The following ANGPT2 variants were observed in gnomAD, a reference collection of about 807,000 sequenced individuals.
ANGPT2 encodes the protein angiopoietin-2.
A neutral mutation model predicts 62.9 loss-of-function variants in ANGPT2; 28 were observed. The observed-to-expected ratio is 0.44, with a 90% confidence interval of 0.33 to 0.61. ANGPT2 has a LOEUF of 0.61. Ranked by LOEUF, ANGPT2 falls within the 20% of genes least tolerant of loss-of-function variation. The probability of loss-of-function intolerance (pLI) is 0.03; values close to 1 mark genes in which losing one functional copy is unlikely to be tolerated. For missense variants in ANGPT2, 727 were observed against 594.9 expected (o/e 1.22, Z -2.31); for synonymous variants, 284 against 207.8 (o/e 1.37, Z -3.15).
At chr8:6,554,623 A>C (rs1198742440) in intron 1 of ANGPT2, among the ~76,000 whole-genome samples, 1 of 152,194 alleles carries the variant, frequency 6.6e-6, no homozygotes, top group African/African-American at 2.4e-5. Context: ...TCAACTATGA[A>C]TATTTTGTGG....
chr8:6,541,911 G>C (rs1391935568), intron 1 of ANGPT2, among the ~76,000 whole-genome samples: 1 of 152,074 alleles, frequency 6.6e-6, no homozygotes, highest in East Asian at 1.9e-4. Context: ...AGGAGGCTAA[G>C]GTGGGAGGAT....
intron 1 of ANGPT2, among the ~76,000 whole-genome samples, chr8:6,551,149 G>T (rs1823580216): frequency 6.6e-6 from 1 of 152,194 alleles, no homozygotes; most frequent in South Asian, 2.1e-4. Context: ...TGCTGATGCT[G>T]ACTTAGGATT....
intron 2 of ANGPT2, among the ~76,000 whole-genome samples, chr8:6,531,505 T>G (rs1280288853): frequency 6.6e-6 from 1 of 152,180 alleles, no homozygotes; most frequent in African/African-American, 2.4e-5. Context: ...TTGGCCAGGC[T>G]GGTCTCGAAC....
At chr8:6,530,084 G>C (rs1819178466) in intron 2 of ANGPT2, among the ~76,000 whole-genome samples, 3 of 152,020 alleles carry the variant, frequency 2.0e-5, no homozygotes. Context: ...AAATGTTGTA[G>C]TTTAAAAATG....
At chr8:6,559,536 A>C (rs544734915) in intron 1 of ANGPT2, among the ~76,000 whole-genome samples, 1 of 147,874 alleles carries the variant, frequency 6.8e-6, no homozygotes. Context: ...GGCAGAGGAA[A>C]TGTTTGCCTC....
intron 1 of ANGPT2, among the ~76,000 whole-genome samples, chr8:6,543,264 T>C (rs1462326949): frequency 6.6e-6 from 1 of 152,176 alleles, no homozygotes; most frequent in Admixed American, 6.5e-5. Context: ...ACACAAGCCA[T>C]CTTCTGTACA....
chr8:6,507,573 T>A, intron 8 of ANGPT2: 1 of 35,312 alleles, frequency 2.8e-5, no homozygotes. Context: ...CTTTCTTTTC[T>A]TTTTTTTTTT....
rs1825792199 is a variant in ANGPT2 at position 6,562,995 on chromosome 8, C to G, written c.-61G>C. 6.6e-7 allele frequency: 1 copy of G among 1,516,816 alleles called. No homozygotes were observed. Among genetic ancestry groups the G allele is most frequent in the East Asian group, 2.3e-5 (1 of 43,462 alleles). 94.0% of individuals were successfully genotyped at this position (1,516,816 alleles called of 1,614,324 possible). A position where few individuals can be genotyped will look rare whatever the true frequency, so the allele number is the denominator to read the frequency against. On this transcript the variant is annotated 5_prime_UTR_variant, in exon 1 of 9. Transcript: ENST00000629816. ...TTGAGGGCAAACACACGTCCAGAGTCCCGAGCTGCTGCCGTCTAAAACGCA... is the reference window on the plus strand; with the variant it reads ...TTGAGGGCAAACACACGTCCAGAGTGCCGAGCTGCTGCCGTCTAAAACGCA...
chr8:6,534,951 T>C (rs189059856), intron 1 of ANGPT2, among the ~76,000 whole-genome samples: 1 of 152,350 alleles, frequency 6.6e-6, no homozygotes, highest in East Asian at 1.9e-4. Flanking sequence ...GTTAAAGCTG[T>C]GTGTCACCCA....
chr8:6,523,723 A>G (rs534409381), intron 3 of ANGPT2, among the ~76,000 whole-genome samples: 1 of 151,938 alleles, frequency 6.6e-6, no homozygotes, highest in Non-Finnish European at 1.5e-5. Flanking sequence ...CTGAGTAGTT[A>G]GGATTACAGG....
intron 8 of ANGPT2, among the ~76,000 whole-genome samples, chr8:6,505,306 TATAAC>T (rs1563305926): frequency 2.9e-4 from 16 of 55,116 alleles, no homozygotes; most frequent in African/African-American, 1.2e-3. Flanking sequence ...TATATATGTA[TATAAC>T]ATATATATGT....
At chr8:6,552,560 A>G (rs920318156) in intron 1 of ANGPT2, among the ~76,000 whole-genome samples, 11 of 152,352 alleles carry the variant, frequency 7.2e-5, no homozygotes, top group African/African-American at 2.4e-4. Context: ...TGTGAGATAT[A>G]GTATAGATCT....
intron 3 of ANGPT2, among the ~76,000 whole-genome samples, chr8:6,526,001 G>A (rs1818253813): frequency 6.6e-6 from 1 of 152,102 alleles, no homozygotes; most frequent in Admixed American, 6.5e-5. Flanking sequence ...TCTACAAACT[G>A]GACATATCCT....
At chr8:6,556,980 C>A (rs1327385130) in intron 1 of ANGPT2, among the ~76,000 whole-genome samples, 1 of 152,158 alleles carries the variant, frequency 6.6e-6, no homozygotes, top group Non-Finnish European at 1.5e-5. Flanking sequence ...ATTTTTTGAA[C>A]AAATAAATCA....
At chr8:6,516,794 T>C (rs2515430) in intron 5 of ANGPT2, among the ~76,000 whole-genome samples, 9,216 of 152,260 alleles carry the variant, frequency 0.061, 311 homozygotes, top group African/African-American at 0.079. Context: ...GTGTCAAAAT[T>C]ACTGCTATGA....
chr8:6,500,863 A>G lies in ANGPT2; in HGVS notation c.*2238T>C, dbSNP rs1021987975. On this transcript the variant is annotated 3_prime_UTR_variant, in exon 9 of 9. Coordinates refer to ENST00000629816, the MANE Select transcript of ANGPT2 (RefSeq NM_001118887.2). ...AATGACATAATGAGATTTGTCCTTG[A>G]ATTTTTTATCACCTGCCTACAAAGA... is the stretch of plus-strand genomic sequence containing the variant. 6.6e-6 allele frequency: 1 copy of G among 152,194 alleles called. No individual in the cohort carries two copies. The highest frequency in any genetic ancestry group is 1.5e-5 in the Non-Finnish European group (1 of 68,026). 9.4% of individuals were successfully genotyped at this position (152,194 alleles called of 1,614,324 possible).
chr8:6,539,461 C>T (rs1343909974), intron 1 of ANGPT2, among the ~76,000 whole-genome samples: 3 of 152,178 alleles, frequency 2.0e-5, no homozygotes, highest in Non-Finnish European at 4.4e-5. Flanking sequence ...TGTGACTTCT[C>T]TTAGGGAGCA....
chr8:6,525,932 T>C (rs549392058), intron 3 of ANGPT2, among the ~76,000 whole-genome samples: 1 of 152,282 alleles, frequency 6.6e-6, no homozygotes, highest in East Asian at 1.9e-4. Context: ...AGTTTTAGCA[T>C]TGTAGCATGC....
intron 1 of ANGPT2, among the ~76,000 whole-genome samples, chr8:6,534,651 T>TA (rs1408043181): frequency 2.0e-5 from 3 of 152,058 alleles, no homozygotes; most frequent in Non-Finnish European, 4.4e-5. Context: ...TTTAAAAATT[T>TA]AAAAAAATAA....
Sources: allele counts gnomAD v4.1 joint callset (sites outside exome capture counted in the v4.1 genomes callset), GRCh38; gene constraint gnomAD v4.1.1; transcripts MANE v1.5; gene names NCBI Gene and HGNC (gene_info 2026-07-23, HGNC 2026-07-21).